The following NR3C2 variants were observed in gnomAD, a reference collection of about 807,000 sequenced individuals.
The protein encoded by NR3C2 is mineralocorticoid receptor.
In NR3C2, 15 loss-of-function variants were observed where a neutral mutation model predicts 86.4. The observed-to-expected ratio is 0.17, with a 90% CI of 0.12 to 0.27. The LOEUF (loss-of-function observed/expected upper bound fraction) is 0.27, where lower values mean the gene tolerates loss of function less well. Among genes scored for constraint, NR3C2 ranks in the 10% least tolerant of loss-of-function variants. The pLI is 1.00. For missense variants in NR3C2, 960 were observed against 1,195.6 expected, an observed-to-expected ratio of 0.80 and a Z score of 2.91; for synonymous variants, 458 against 450.5, an observed-to-expected ratio of 1.02 and a Z score of -0.21.
At chr4:148,203,152 C>G (rs1736815288) in intron 3 of NR3C2, among the ~76,000 whole-genome samples, 1 of 151,896 alleles carries the variant, frequency 6.6e-6, no homozygotes. Context: ...TTGTTATATG[C>G]CAGAGCCATT....
At chr4:148,212,775 G>A (rs909451065) in intron 3 of NR3C2, among the ~76,000 whole-genome samples, 3 of 152,214 alleles carry the variant, frequency 2.0e-5, no homozygotes, top group Non-Finnish European at 4.4e-5. Context: ...TTAATCGCAT[G>A]ATCCATTTGT....
chr4:148,351,350 C>T (rs1469115174), intron 2 of NR3C2, among the ~76,000 whole-genome samples: 5 of 152,128 alleles, frequency 3.3e-5, no homozygotes, highest in African/African-American at 1.2e-4. Context: ...ACCATGTTGC[C>T]CAGCTGGGTC....
intron 2 of NR3C2, among the ~76,000 whole-genome samples, chr4:148,274,429 G>A (rs1157429999): frequency 2.0e-5 from 3 of 152,094 alleles, no homozygotes; most frequent in Non-Finnish European, 4.4e-5. Flanking sequence ...GTTGAGGGTG[G>A]GACCCGGTGG....
At chr4:148,356,659 T>C (rs1481945727) in intron 2 of NR3C2, among the ~76,000 whole-genome samples, 2 of 152,220 alleles carry the variant, frequency 1.3e-5, no homozygotes, top group Non-Finnish European at 2.9e-5. Flanking sequence ...AGTAGCCTAA[T>C]GTATATGGTA....
At chr4:148,365,374 A>C (rs1444765832) in intron 2 of NR3C2, among the ~76,000 whole-genome samples, 2 of 152,316 alleles carry the variant, frequency 1.3e-5, no homozygotes, top group East Asian at 3.9e-4. Context: ...AAATTTTCAG[A>C]TAAGGGATAC....
At chr4:148,253,146 G>A (rs1029275076) in intron 3 of NR3C2, among the ~76,000 whole-genome samples, 8 of 152,142 alleles carry the variant, frequency 5.3e-5, no homozygotes, top group Admixed American at 2.0e-4. Context: ...AAACAAGGGC[G>A]AACCCCATTC....
intron 2 of NR3C2, among the ~76,000 whole-genome samples, chr4:148,307,913 GAGAC>G (rs1221347044): frequency 6.6e-6 from 1 of 151,814 alleles, no homozygotes; most frequent in African/African-American, 2.4e-5. Context: ...AGTTAATACT[GAGAC>G]AGAGAGGAAC....
intron 6 of NR3C2, among the ~76,000 whole-genome samples, chr4:148,145,038 A>T (rs1483712396): frequency 6.6e-6 from 1 of 152,182 alleles, no homozygotes; most frequent in Non-Finnish European, 1.5e-5. Flanking sequence ...CAGTTGTTAT[A>T]CTGTTTCTCT....
chr4:148,204,980 A>T (rs539192718), intron 3 of NR3C2, among the ~76,000 whole-genome samples: 6 of 152,300 alleles, frequency 3.9e-5, no homozygotes, highest in Admixed American at 3.9e-4. Context: ...CAACCAGCTA[A>T]TCCCTCAAGA....
intron 2 of NR3C2, among the ~76,000 whole-genome samples, chr4:148,367,794 A>T (rs937699434): frequency 7.6e-5 from 11 of 144,060 alleles, no homozygotes; most frequent in South Asian, 4.3e-4. Flanking sequence ...AATCCAATTT[A>T]AAAAAAAAAA....
chr4:148,160,166 C>T (rs1037644791), intron 4 of NR3C2, among the ~76,000 whole-genome samples: 2 of 151,994 alleles, frequency 1.3e-5, no homozygotes, highest in African/African-American at 4.8e-5. Context: ...ATTTTGGCAG[C>T]CACTCTTTCC....
intron 2 of NR3C2, among the ~76,000 whole-genome samples, chr4:148,367,131 A>T (rs180917267): frequency 1.3e-5 from 2 of 152,308 alleles, no homozygotes; most frequent in East Asian, 3.9e-4. Flanking sequence ...TGAAAAACAC[A>T]AAAAGGTTTC....
chr4:148,081,124 G>T lies in NR3C2; in HGVS notation c.*220C>A, dbSNP rs1184759750. The T allele has an allele frequency of 8.5e-6, 5 of 590,000 alleles. No homozygotes were observed. The African/African-American group carries it at 9.3e-5, about 11-fold the overall frequency. The allele number at this position is 590,000 out of a possible 1,614,324, so 36.5% of individuals were successfully genotyped here. ...ACAGGAACATGTTTCTAAGCGCTGG[G>T]GGATTGGAGGTGGGGAATCCTTCAG... is the stretch of plus-strand genomic sequence containing the variant. On this transcript the variant is annotated 3_prime_UTR_variant, in exon 9 of 9. Coordinates refer to ENST00000358102, the MANE Select transcript of NR3C2 (RefSeq NM_000901.5).
intron 8 of NR3C2, among the ~76,000 whole-genome samples, chr4:148,111,218 G>A (rs1732031762): frequency 6.6e-6 from 1 of 152,178 alleles, no homozygotes; most frequent in Non-Finnish European, 1.5e-5. Flanking sequence ...AGATAAATGA[G>A]CATATGAAAA....
intron 2 of NR3C2, among the ~76,000 whole-genome samples, chr4:148,266,403 GAC>G (rs1740401051): frequency 1.3e-5 from 2 of 152,186 alleles, no homozygotes; most frequent in Non-Finnish European, 1.5e-5. Flanking sequence ...ATACTGAAAT[GAC>G]AGAGTAGCCA....
chr4:148,322,158 G>T (rs1743638290), intron 2 of NR3C2, among the ~76,000 whole-genome samples: 1 of 148,916 alleles, frequency 6.7e-6, no homozygotes, highest in Non-Finnish European at 1.5e-5. Context: ...GGCTGGATAT[G>T]AAATTCTGGG....
chr4:148,368,849 A>G (rs1746276443), intron 2 of NR3C2, among the ~76,000 whole-genome samples: 1 of 152,208 alleles, frequency 6.6e-6, no homozygotes, highest in Admixed American at 6.5e-5. Flanking sequence ...TTGGTCCAGC[A>G]TGATTTCCCA....
chr4:148,340,175 T>C (rs1181246742), intron 2 of NR3C2, among the ~76,000 whole-genome samples: 1 of 152,120 alleles, frequency 6.6e-6, no homozygotes, highest in Non-Finnish European at 1.5e-5. Flanking sequence ...AAAATCTGTA[T>C]GGAACCACAA....
At chr4:148,250,017 T>C (rs982936395) in intron 3 of NR3C2, among the ~76,000 whole-genome samples, 1 of 152,202 alleles carries the variant, frequency 6.6e-6, no homozygotes, top group African/African-American at 2.4e-5. Flanking sequence ...TCTGAAGTCT[T>C]CTGGCTAACA....
Sources: gnomAD v4.1 joint callset for allele counts (sites outside exome capture counted in the v4.1 genomes callset) on GRCh38, gnomAD v4.1.1 for gene constraint, MANE v1.5 for transcripts, NCBI Gene and HGNC (gene_info 2026-07-23, HGNC 2026-07-21) for gene names.